FARS2: variants seen among roughly 807,000 people sequenced by gnomAD.
FARS2 encodes phenylalanine--tRNA ligase, mitochondrial.
A neutral mutation model predicts 46.4 loss-of-function variants in FARS2; 40 were observed. The ratio of observed to expected loss-of-function variants is 0.86; its 90% CI spans 0.67 to 1.12. FARS2 has a LOEUF of 1.12. Among genes scored for constraint, FARS2 ranks in the 50% most tolerant of loss-of-function variants. The pLI is 0.00. For synonymous variants in FARS2, 234 were observed against 214.9 expected (o/e 1.09, Z -0.78); for missense variants, 513 against 567.9 (o/e 0.90, Z 0.98).
At chr6:5,375,352 G>A (rs1401319440) in intron 2 of FARS2, among the ~76,000 whole-genome samples, 2 of 151,802 alleles carry the variant, frequency 1.3e-5, no homozygotes, top group Admixed American at 1.3e-4. Context: ...TATAAATCTT[G>A]CATCAGATAT....
chr6:5,707,328 A>G (rs996268025), intron 6 of FARS2, among the ~76,000 whole-genome samples: 5 of 152,218 alleles, frequency 3.3e-5, no homozygotes, highest in African/African-American at 7.2e-5. Flanking sequence ...AGCACCTGAG[A>G]ATAAAGTGGT....
chr6:5,391,266 A>G (rs1345849499), intron 2 of FARS2, among the ~76,000 whole-genome samples: 1 of 152,184 alleles, frequency 6.6e-6, no homozygotes, highest in Non-Finnish European at 1.5e-5. Context: ...TTCAGGCTCC[A>G]CCATTTACTA....
chr6:5,263,684 A>C lies in FARS2; in HGVS notation c.-22+2024A>C, dbSNP rs184940737. Among the ~76,000 whole-genome samples the C allele has an allele frequency of 1.6e-4, 24 of 152,270 alleles. No homozygotes were observed. The East Asian group carries it at 4.6e-3, about 29-fold the overall frequency. On this transcript the variant is annotated intron_variant, in intron 1 of 6. Transcript: ENST00000274680. ...TACCATTTAGGCATCAAAACGTAAA[A>C]ATTTCTTTAGTATTCATTTATCAAA...
chr6:5,275,587 A>C (rs1410471008), intron 1 of FARS2, among the ~76,000 whole-genome samples: 6 of 152,146 alleles, frequency 3.9e-5, no homozygotes, highest in Non-Finnish European at 7.4e-5. Flanking sequence ...TATAAGCCTG[A>C]AATTTTTAGA....
chr6:5,725,538 C>CT (rs1391518732), intron 6 of FARS2, among the ~76,000 whole-genome samples: 1 of 152,246 alleles, frequency 6.6e-6, no homozygotes, highest in Non-Finnish European at 1.5e-5. Flanking sequence ...TCAGTTTCTA[C>CT]ATCTGTAAAA....
At chr6:5,463,149 A>G (rs545151574) in intron 4 of FARS2, among the ~76,000 whole-genome samples, 3 of 152,210 alleles carry the variant, frequency 2.0e-5, no homozygotes, top group African/African-American at 4.8e-5. Flanking sequence ...GCAGTGTTTT[A>G]TAGTTTTTAG....
intron 4 of FARS2, among the ~76,000 whole-genome samples, chr6:5,524,595 C>T (rs1051371567): frequency 6.6e-6 from 1 of 152,200 alleles, no homozygotes; most frequent in African/African-American, 2.4e-5. Flanking sequence ...CCTTTGTAAT[C>T]CTTCCTTTGC....
At chr6:5,679,007 C>T (rs1561794766) in intron 6 of FARS2, among the ~76,000 whole-genome samples, 1 of 152,128 alleles carries the variant, frequency 6.6e-6, no homozygotes, top group African/African-American at 2.4e-5. Flanking sequence ...AGTGGTGCCC[C>T]TTGGATCAGA....
At chr6:5,700,390 A>G (rs1758346996) in intron 6 of FARS2, among the ~76,000 whole-genome samples, 1 of 151,674 alleles carries the variant, frequency 6.6e-6, no homozygotes, top group Non-Finnish European at 1.5e-5. Flanking sequence ...AAATATATAT[A>G]TCTCAGTAGC....
At chr6:5,398,004 G>C (rs989032638) in intron 2 of FARS2, among the ~76,000 whole-genome samples, 2 of 152,130 alleles carry the variant, frequency 1.3e-5, no homozygotes, top group African/African-American at 4.8e-5. Flanking sequence ...TGGAGATTTT[G>C]TTGTGCCCTT....
chr6:5,568,924 G>T (rs1446475376), intron 5 of FARS2, among the ~76,000 whole-genome samples: 1 of 152,104 alleles, frequency 6.6e-6, no homozygotes, highest in African/African-American at 2.4e-5. Context: ...AATTTTAGGA[G>T]AAAACATTGA....
chr6:5,544,091 G>A (rs894487738), intron 4 of FARS2, among the ~76,000 whole-genome samples: 11 of 151,746 alleles, frequency 7.2e-5, no homozygotes, highest in Non-Finnish European at 1.6e-4. Flanking sequence ...CAGCTATTGG[G>A]AGAATTTGTT....
At chr6:5,252,261 T>C in the FARS2 span, among the ~76,000 whole-genome samples, 2 of 152,182 alleles carry the variant, frequency 1.3e-5, no homozygotes, top group African/African-American at 4.8e-5. Flanking sequence ...AGAATGGGGT[T>C]GTGGAAGCGG....
intron 6 of FARS2, among the ~76,000 whole-genome samples, chr6:5,717,929 T>TTTAGAGAGAGAGAGAGAG (rs1554128870): frequency 9.5e-6 from 1 of 105,034 alleles, no homozygotes; most frequent in East Asian, 2.2e-4. Context: ...TATATATATA[T>TTTAGAGAGAGAGAGAGAG]ATATATACAG....
chr6:5,395,872 A>G (rs1760869823), intron 2 of FARS2, among the ~76,000 whole-genome samples: 1 of 152,216 alleles, frequency 6.6e-6, no homozygotes, highest in South Asian at 2.1e-4. Flanking sequence ...TGTATAAAAT[A>G]TCTAAAAGCA....
intron 5 of FARS2, among the ~76,000 whole-genome samples, chr6:5,569,201 A>G (rs1772489439): frequency 6.6e-6 from 1 of 150,928 alleles, no homozygotes; most frequent in Non-Finnish European, 1.5e-5. Context: ...GAAGAAGATG[A>G]TGAGTTCAAT....
At chr6:5,516,817 A>AC (rs550765971) in intron 4 of FARS2, among the ~76,000 whole-genome samples, 6 of 151,812 alleles carry the variant, frequency 4.0e-5, no homozygotes, top group Admixed American at 2.6e-4. Context: ...TTACTCAGGA[A>AC]CCCCCCCAAT....
chr6:5,265,209 C>T (rs151153573), intron 1 of FARS2, among the ~76,000 whole-genome samples: 326 of 152,216 alleles, frequency 2.1e-3, no homozygotes, highest in Admixed American at 0.015. Context: ...GGCTTTCCAT[C>T]GTAGAAGGTG....
intron 2 of FARS2, among the ~76,000 whole-genome samples, chr6:5,400,330 T>G (rs1761179526): frequency 6.6e-6 from 1 of 152,092 alleles, no homozygotes; most frequent in African/African-American, 2.4e-5. Flanking sequence ...AAAGTTTCTT[T>G]ACGTTAGTGG....
Sources: allele counts gnomAD v4.1 joint callset (sites outside exome capture counted in the v4.1 genomes callset), GRCh38; gene constraint gnomAD v4.1.1; transcripts MANE v1.5; gene names NCBI Gene and HGNC (gene_info 2026-07-23, HGNC 2026-07-21).